The following PDE3B variants were observed in gnomAD, a reference collection of about 807,000 sequenced individuals.
PDE3B encodes the protein cGMP-inhibited 3',5'-cyclic phosphodiesterase 3B.
A neutral mutation model predicts 116.8 loss-of-function variants in PDE3B; 66 were observed. That is an observed-to-expected ratio of 0.56 (90% CI 0.46 to 0.69). The LOEUF (loss-of-function observed/expected upper bound fraction) is 0.69, where lower values mean the gene tolerates loss of function less well. Among genes scored for constraint, PDE3B ranks in the 30% least tolerant of loss-of-function variants. PDE3B has a pLI of 0.00. For missense variants in PDE3B, 1,384 were observed against 1,368.1 expected (o/e 1.01, Z -0.18); for synonymous variants, 595 against 533.6 (o/e 1.12, Z -1.59).
In PDE3B at chr11:14,769,906, C is replaced by T. The variant is rs1251227899; in HGVS notation, c.979-2031C>T. On this transcript the variant is annotated intron_variant, in intron 1 of 15. Coordinates refer to ENST00000282096, the MANE Select transcript of PDE3B (RefSeq NM_000922.4). ...AAACATGGCTCTTGGCATTAGAGTACAAATATTTAAAAAGGTAATGTTTAT... is the reference window on the plus strand; with the variant it reads ...AAACATGGCTCTTGGCATTAGAGTATAAATATTTAAAAAGGTAATGTTTAT... 1.5e-4 allele frequency among the ~76,000 whole-genome samples: 22 copies of T among 149,412 alleles called. No homozygotes were observed. In the Admixed American group the frequency reaches 1.5e-3, roughly 10 times the overall value.
chr11:14,856,043 CAT>C (rs1847843214), intron 12 of PDE3B, among the ~76,000 whole-genome samples: 1 of 152,236 alleles, frequency 6.6e-6, no homozygotes, highest in Non-Finnish European at 1.5e-5. Flanking sequence ...GTAATCCTCA[CAT>C]GTCAAGGGCA....
intron 1 of PDE3B, among the ~76,000 whole-genome samples, chr11:14,730,212 C>T (rs1465161923): frequency 3.3e-5 from 5 of 152,194 alleles, no homozygotes; most frequent in Admixed American, 3.3e-4. Flanking sequence ...CATTATCTCC[C>T]AGTTTAAAGA....
At chr11:14,731,493 C>T (rs1159767401) in intron 1 of PDE3B, among the ~76,000 whole-genome samples, 2 of 151,964 alleles carry the variant, frequency 1.3e-5, no homozygotes, top group Admixed American at 6.6e-5. Context: ...CTCCTGACCT[C>T]GTGATCTGCC....
the PDE3B span, chr11:14,878,072 AG>A: frequency 6.3e-7 from 1 of 1,592,774 alleles, no homozygotes; most frequent in Non-Finnish European, 8.6e-7. Flanking sequence ...AACCAAGTTC[AG>A]GGATAAGGCA....
intron 7 of PDE3B, among the ~76,000 whole-genome samples, chr11:14,827,185 A>G (rs1388631343): frequency 6.6e-6 from 1 of 152,218 alleles, no homozygotes; most frequent in African/African-American, 2.4e-5. Flanking sequence ...AATAAGAACC[A>G]TCTAGGAGAA....
At chr11:14,725,586 C>A (rs1362325291) in intron 1 of PDE3B, among the ~76,000 whole-genome samples, 1 of 112,088 alleles carries the variant, frequency 8.9e-6, no homozygotes, top group African/African-American at 3.5e-5. Context: ...TCCCTCCCTC[C>A]CCCTTCCCTC....
chr11:14,805,769 C>T (rs1306034094), intron 5 of PDE3B, among the ~76,000 whole-genome samples: 1 of 152,074 alleles, frequency 6.6e-6, no homozygotes, highest in African/African-American at 2.4e-5. Context: ...ACCAAAAGCA[C>T]TGGTAAGGCT....
intron 1 of PDE3B, among the ~76,000 whole-genome samples, chr11:14,728,816 C>T (rs1856383018): frequency 6.6e-6 from 1 of 152,078 alleles, no homozygotes; most frequent in Non-Finnish European, 1.5e-5. Flanking sequence ...ACTATATAAG[C>T]TTGCAGGTCT....
In PDE3B at chr11:14,661,773, G is replaced by A. The variant is rs1802480685; in HGVS notation, c.978+16720G>A. On this transcript the variant is annotated intron_variant, in intron 1 of 15. Coordinates refer to ENST00000282096, the MANE Select transcript of PDE3B (RefSeq NM_000922.4). ...TGGGGAAGGGGCGCCTGCCATTTCCGAGGCTTGCTTAGGTAAACAAAGCAG... is the reference window on the plus strand; with the variant it reads ...TGGGGAAGGGGCGCCTGCCATTTCCAAGGCTTGCTTAGGTAAACAAAGCAG... Among the ~76,000 whole-genome samples, 5 of 152,282 alleles carry A rather than the reference G, an allele frequency of 3.3e-5. No homozygotes were observed. In the South Asian group the frequency reaches 8.3e-4, roughly 25 times the overall value.
chr11:14,837,113 C>T (rs1031073216), intron 11 of PDE3B, among the ~76,000 whole-genome samples: 3 of 152,186 alleles, frequency 2.0e-5, no homozygotes, highest in Admixed American at 6.5e-5. Flanking sequence ...TGTGTCTGGC[C>T]GGCCCATTCT....
rs1299327504 is a variant in PDE3B at position 14,819,168 on chromosome 11, C to T, written c.1766C>T (p.Thr589Ile). The T allele has an allele frequency of 2.5e-6, 4 of 1,597,590 alleles. No homozygotes were observed. The Admixed American group carries it at 6.7e-5, about 27-fold the overall frequency. ...CATCAAATGCTGAAATATGTTTCAACATCTGAATCAGATGGTACAGATTGC... is the reference window on the plus strand; with the variant it reads ...CATCAAATGCTGAAATATGTTTCAATATCTGAATCAGATGGTACAGATTGC... ...CGHQMLKYVS[T>I]SESDGTDCCS... The change falls in exon 7 of 16, where the codon ACA (threonine) becomes ATA (isoleucine). Residue 589 changes from threonine to isoleucine, a missense_variant. Physicochemically the swap from Thr to Ile is moderately conservative, Grantham distance 89. This residue lies in a region of PDE3B where 956 missense variants were observed against 806.8 expected (regional missense o/e 1.18). Coordinates refer to ENST00000282096, the MANE Select transcript of PDE3B (RefSeq NM_000922.4).
At chr11:14,856,174 C>T (rs782195928) in intron 12 of PDE3B, among the ~76,000 whole-genome samples, 42 of 152,142 alleles carry the variant, frequency 2.8e-4, no homozygotes, top group Non-Finnish European at 4.6e-4. Context: ...CCTGTGTGTG[C>T]TCTCTCTCCC....
Position 14,832,792 on chromosome 11 carries a change from A to T in PDE3B, c.2165A>T (p.Asn722Ile). The change falls in exon 10 of 16, where the codon AAC becomes ATC. Residue 722 changes from asparagine (N) to isoleucine (I), a missense_variant. This residue lies in a region of PDE3B where 428 missense variants were observed against 561.4 expected (regional missense o/e 0.76). Coordinates refer to ENST00000282096, the MANE Select transcript of PDE3B (RefSeq NM_000922.4). Reference sequence around the variant, plus strand: ...AAAATTCCCACTCAACAATTTATGAACTATTTTCGTGCATTAGAAAATGGC... The same window carrying T: ...AAAATTCCCACTCAACAATTTATGATCTATTTTCGTGCATTAGAAAATGGC... The part of the protein sequence containing the change: ...IFKIPTQQFM[N>I]YFRALENGYR... 6.5e-7 allele frequency: 1 copy of T among 1,541,452 alleles called. No individual in the cohort carries two copies. The highest frequency in any genetic ancestry group is 8.9e-7 in the Non-Finnish European group (1 of 1,122,482).
At chr11:14,758,101 A>T (rs1443000368) in intron 1 of PDE3B, among the ~76,000 whole-genome samples, 2 of 152,086 alleles carry the variant, frequency 1.3e-5, no homozygotes, top group African/African-American at 2.4e-5. Context: ...TTTGTCAAAG[A>T]TCAGATAGTT....
chr11:14,811,234 G>A (rs1389828381), intron 5 of PDE3B, among the ~76,000 whole-genome samples: 1 of 151,914 alleles, frequency 6.6e-6, no homozygotes, highest in Admixed American at 6.6e-5. Flanking sequence ...TAGACATGAA[G>A]TCCTTGCCCA....
chr11:14,688,079 TTC>T (rs1456017841), intron 1 of PDE3B, among the ~76,000 whole-genome samples: 4 of 151,044 alleles, frequency 2.6e-5, no homozygotes, highest in South Asian at 2.1e-4. Context: ...AAAATTTTCT[TTC>T]TTTTTCTTTC....
chr11:14,736,683 T>A (rs1044063738), intron 1 of PDE3B, among the ~76,000 whole-genome samples: 8 of 152,192 alleles, frequency 5.3e-5, no homozygotes, highest in Non-Finnish European at 1.0e-4. Flanking sequence ...GACTATATAT[T>A]TTTTTAAGAC....
At position 14,644,891 on chromosome 11, in the gene PDE3B, G is replaced by T; in HGVS notation, c.816G>T (p.Ala272=). The T allele has an allele frequency of 3.7e-6, 6 of 1,614,062 alleles. No homozygotes were observed. Among genetic ancestry groups the T allele is most frequent in the Non-Finnish European group, 3.4e-6 (4 of 1,180,004 alleles). ...GLDHFFQIRE[A]PLHPRLSSAA... is the part of the protein sequence containing the mutation. Reference sequence around the variant, plus strand: ...ATCACTTCTTTCAAATCAGGGAAGCGCCTCTTCATCCTCGACTGTCCAGTG... The same window carrying T: ...ATCACTTCTTTCAAATCAGGGAAGCTCCTCTTCATCCTCGACTGTCCAGTG... The change falls in exon 1 of 16, where the codon GCG becomes GCT. Residue 272 remains alanine (A), a synonymous_variant. Transcript: ENST00000282096.
intron 1 of PDE3B, among the ~76,000 whole-genome samples, chr11:14,671,108 G>A (rs1854352395): frequency 6.6e-6 from 1 of 152,076 alleles, no homozygotes; most frequent in Admixed American, 6.6e-5. Context: ...TGCCCTAATG[G>A]AGCTTTAAGA....
Sources: gnomAD v4.1 joint callset for allele counts (sites outside exome capture counted in the v4.1 genomes callset) on GRCh38, gnomAD v4.1.1 for gene constraint, gnomAD v4.1.1 regional missense constraint, MANE v1.5 for transcripts, NCBI Gene and HGNC (gene_info 2026-07-23, HGNC 2026-07-21) for gene names.